Variants in STK32B observed in about 807,000 individuals in gnomAD.
STK32B encodes the protein serine/threonine-protein kinase 32B.
STK32B carries 43 observed loss-of-function variants against 52.6 expected under a neutral mutation model. That is an observed-to-expected ratio of 0.82 (90% CI 0.64 to 1.05). The LOEUF is 1.05. STK32B is among the 50% of genes least tolerant of loss of function. The pLI, the probability that STK32B is intolerant of heterozygous loss-of-function variation, is 0.00. For missense variants in STK32B, 621 were observed against 534.6 expected, an observed-to-expected ratio of 1.16 and a Z score of -1.59; for synonymous variants, 238 against 204.3, an observed-to-expected ratio of 1.17 and a Z score of -1.41.
chr4:5,118,453 C>T lies in STK32B; in HGVS notation c.53-21452C>T, dbSNP rs557460892. On this transcript the variant is annotated intron_variant, in intron 1 of 11. Coordinates refer to ENST00000282908, the MANE Select transcript of STK32B (RefSeq NM_018401.3). ...TTTTCAAAAATACCGAACTCACTCC[C>T]GCCCCAGGCCTTTGCCCATGCAGTT... Among the ~76,000 whole-genome samples, 22 of 152,318 alleles carry T rather than the reference C, an allele frequency of 1.4e-4. No homozygotes were observed. The South Asian group carries it at 3.9e-3, about 27-fold the overall frequency.
chr4:5,214,459 G>T (rs1303155581), intron 3 of STK32B, among the ~76,000 whole-genome samples: 1 of 152,078 alleles, frequency 6.6e-6, no homozygotes, highest in Non-Finnish European at 1.5e-5. Context: ...GGTTCATTTT[G>T]TTACTTATAG....
chr4:5,278,112 G>A (rs554244685), intron 3 of STK32B, among the ~76,000 whole-genome samples: 2 of 152,222 alleles, frequency 1.3e-5, no homozygotes, highest in African/African-American at 2.4e-5. Flanking sequence ...GGGGTGGCAG[G>A]TAGAAGATGA....
At chr4:5,343,030 A>T (rs1733192513) in intron 4 of STK32B, among the ~76,000 whole-genome samples, 4 of 151,980 alleles carry the variant, frequency 2.6e-5, no homozygotes. Flanking sequence ...TACATGTGCC[A>T]TGTTGGTGTG....
chr4:5,142,660 T>C (rs921906922), intron 2 of STK32B, among the ~76,000 whole-genome samples: 5 of 152,226 alleles, frequency 3.3e-5, no homozygotes, highest in Admixed American at 2.6e-4. Flanking sequence ...TTGGAACTTG[T>C]TGAGGGCAGA....
chr4:5,059,052 CTTTTTTTTTTTTTTTTTTT>C (rs3072775), intron 1 of STK32B, among the ~76,000 whole-genome samples: 1 of 86,894 alleles, frequency 1.2e-5, no homozygotes, highest in African/African-American at 4.8e-5. Flanking sequence ...CGCCCAGCTG[CTTTTTTTTTTTTTTTTTTT>C]TTTTTTTTTT....
chr4:5,359,378 ACCCTCCCT>A (rs200711622), intron 4 of STK32B, among the ~76,000 whole-genome samples: 32 of 123,084 alleles, frequency 2.6e-4, no homozygotes, highest in South Asian at 5.4e-4. Flanking sequence ...CACTCATCCA[ACCCTCCCT>A]CCCTCCCTCC....
In STK32B at chr4:5,241,630, G is replaced by C. The variant is rs550748777; in HGVS notation, c.260+73180G>C. On this transcript the variant is annotated intron_variant, in intron 3 of 11. Coordinates refer to ENST00000282908, the MANE Select transcript of STK32B (RefSeq NM_018401.3). ...TAGGATACATGTGCACAACATGCAG[G>C]TTTGTTACATATGTATACATGTGCC... Among the ~76,000 whole-genome samples the C allele has an allele frequency of 2.4e-3, 364 of 151,782 alleles. 2 individuals carry two copies. Among genetic ancestry groups the C allele is most frequent in the African/African-American group, 7.9e-3 (328 of 41,376 alleles).
intron 2 of STK32B, among the ~76,000 whole-genome samples, chr4:5,167,334 TA>T (rs1718958516): frequency 6.6e-6 from 1 of 152,228 alleles, no homozygotes; most frequent in Non-Finnish European, 1.5e-5. Flanking sequence ...CCTCATGCTT[TA>T]TCCATAAGGT....
intron 2 of STK32B, among the ~76,000 whole-genome samples, chr4:5,159,661 ATG>A (rs1381047276): frequency 5.6e-5 from 4 of 70,968 alleles, no homozygotes; most frequent in Non-Finnish European, 1.1e-4. Flanking sequence ...GAATATATAT[ATG>A]AATGTATATG....
intron 3 of STK32B, among the ~76,000 whole-genome samples, chr4:5,280,763 G>A (rs1728140578): frequency 6.6e-6 from 1 of 152,070 alleles, no homozygotes; most frequent in African/African-American, 2.4e-5. Context: ...GCCAGGCATG[G>A]TGGTGGGTGC....
intron 4 of STK32B, among the ~76,000 whole-genome samples, chr4:5,360,046 A>C (rs1734444052): frequency 6.6e-6 from 1 of 152,154 alleles, no homozygotes; most frequent in African/African-American, 2.4e-5. Context: ...GAGGAGAGTG[A>C]AGCAGCCTTT....
At chr4:5,326,390 T>A (rs1731874481) in intron 3 of STK32B, among the ~76,000 whole-genome samples, 1 of 151,772 alleles carries the variant, frequency 6.6e-6, no homozygotes, top group South Asian at 2.1e-4. Flanking sequence ...TTAAAAAAAA[T>A]AAAAACAGTC....
intron 3 of STK32B, among the ~76,000 whole-genome samples, chr4:5,314,807 T>A (rs748211095): frequency 3.3e-5 from 5 of 152,098 alleles, no homozygotes; most frequent in Non-Finnish European, 7.4e-5. Context: ...CTGGGAAATT[T>A]GCAGGGTATT....
At chr4:5,120,695 G>T (rs1714977808) in intron 1 of STK32B, among the ~76,000 whole-genome samples, 3 of 152,046 alleles carry the variant, frequency 2.0e-5, no homozygotes, top group Admixed American at 2.0e-4. Context: ...GAGAATTTTT[G>T]AGATTTCCTG....
intron 11 of STK32B, among the ~76,000 whole-genome samples, chr4:5,485,461 G>T (rs1398015492): frequency 2.0e-5 from 3 of 151,990 alleles, no homozygotes; most frequent in East Asian, 3.9e-4. Context: ...GGACTTCTCT[G>T]TATTGGTTAT....
chr4:5,343,311 G>C (rs938913656), intron 4 of STK32B, among the ~76,000 whole-genome samples: 1 of 152,010 alleles, frequency 6.6e-6, no homozygotes, highest in Non-Finnish European at 1.5e-5. Context: ...AGTATTCCAT[G>C]GTGTATATGT....
intron 3 of STK32B, among the ~76,000 whole-genome samples, chr4:5,257,820 G>A (rs1233363956): frequency 3.3e-5 from 5 of 152,244 alleles, no homozygotes; most frequent in Non-Finnish European, 5.9e-5. Flanking sequence ...GCATGGGCCT[G>A]TAATCCCAGC....
intron 4 of STK32B, among the ~76,000 whole-genome samples, chr4:5,334,192 T>C (rs149911402): frequency 2.4e-3 from 369 of 152,086 alleles, no homozygotes; most frequent in Non-Finnish European, 4.0e-3. Context: ...AGGTCCTTCA[T>C]GTCCCTTGTA....
At chr4:5,300,489 A>G (rs1054109546) in intron 3 of STK32B, among the ~76,000 whole-genome samples, 3 of 152,162 alleles carry the variant, frequency 2.0e-5, no homozygotes, top group Non-Finnish European at 4.4e-5. Context: ...AGGAAGTCAA[A>G]TTATCTCTCT....
Sources: allele counts gnomAD v4.1 joint callset (sites outside exome capture counted in the v4.1 genomes callset), GRCh38; gene constraint gnomAD v4.1.1; transcripts MANE v1.5; gene names NCBI Gene and HGNC (gene_info 2026-07-23, HGNC 2026-07-21).